The following PLD5 variants were observed in gnomAD, a reference collection of about 807,000 sequenced individuals.
PLD5 encodes the protein inactive phospholipase D5.
In PLD5, 36 loss-of-function variants were observed where a neutral mutation model predicts 61.1. The observed-to-expected ratio is 0.59, with a 90% CI of 0.45 to 0.78. The LOEUF (loss-of-function observed/expected upper bound fraction) is 0.78. Among genes scored for constraint, PLD5 ranks in the 30% least tolerant of loss-of-function variants. The pLI is 0.00. For synonymous variants in PLD5, 243 were observed against 242.8 expected (o/e 1.00, Z -0.01); for missense variants, 515 against 644.4 (o/e 0.80, Z 2.17).
At chr1:242,366,511 C>T (rs1261342535) in intron 1 of PLD5, among the ~76,000 whole-genome samples, 1 of 152,112 alleles carries the variant, frequency 6.6e-6, no homozygotes, top group African/African-American at 2.4e-5. Flanking sequence ...ATGATTCATT[C>T]CTTTTCAAGG....
At chr1:242,449,432 T>A in intron 1 of PLD5, 1 of 1,535,740 alleles carries the variant, frequency 6.5e-7, no homozygotes, top group South Asian at 1.2e-5. Flanking sequence ...TCCCACAGCC[T>A]CTGGAGCCTT....
chr1:242,507,251 G>A (rs542419834), intron 1 of PLD5, among the ~76,000 whole-genome samples: 171 of 152,274 alleles, frequency 1.1e-3, no homozygotes, highest in African/African-American at 3.8e-3. Context: ...GGGATTTAAT[G>A]TATTTGGTCT....
upstream of PLD5, among the ~76,000 whole-genome samples, chr1:242,525,048 C>A (rs1283835167): frequency 1.3e-5 from 2 of 151,978 alleles, no homozygotes; most frequent in African/African-American, 4.8e-5. Context: ...CCAGCGGCGC[C>A]CCCTCACCCT....
chr1:242,255,849 TAC>T (rs1490782106), intron 4 of PLD5, among the ~76,000 whole-genome samples: 1 of 152,184 alleles, frequency 6.6e-6, no homozygotes, highest in African/African-American at 2.4e-5. Flanking sequence ...GATTTAAAAA[TAC>T]AGTGTTATTA....
At chr1:242,423,895 T>G (rs1457127919) in intron 1 of PLD5, among the ~76,000 whole-genome samples, 2 of 152,208 alleles carry the variant, frequency 1.3e-5, no homozygotes, top group Non-Finnish European at 2.9e-5. Context: ...GGGCAATGGT[T>G]TATTTTCATA....
Position 242,372,199 on chromosome 1 carries a change from G to GT in PLD5, c.190-23958dup, listed in dbSNP as rs962311826. Among the ~76,000 whole-genome samples the GT allele has an allele frequency of 6.6e-5, 10 of 152,152 alleles. No individual in the cohort carries two copies. In the East Asian group the frequency reaches 1.2e-3, roughly 18 times the overall value. On this transcript the variant is annotated intron_variant, in intron 1 of 9. Transcript: ENST00000536534. Reference sequence around the variant, plus strand: ...TCATTATTATTTTTTAAATTTATCTGTTTTTTCAAAGACTCAGGTAAAAGC... The same window carrying GT: ...TCATTATTATTTTTTAAATTTATCTGTTTTTTTCAAAGACTCAGGTAAAAGC...
intron 1 of PLD5, among the ~76,000 whole-genome samples, chr1:242,352,982 C>T (rs1015989608): frequency 6.6e-6 from 1 of 152,108 alleles, no homozygotes; most frequent in African/African-American, 2.4e-5. Context: ...CTCCTAATCC[C>T]TAGGTTGTGT....
In PLD5 at chr1:242,506,141, C is replaced by A. The variant is rs187687555; in HGVS notation, c.189+17947G>T. The stretch of plus-strand genomic sequence containing the variant: ...TAGAGAATTTTAACACTGGGGGAAC[C>A]TCGAGAGGTTCAACGCTTCCTTTGG... On this transcript the variant is annotated intron_variant, in intron 1 of 9. Transcript: ENST00000536534. Among the ~76,000 whole-genome samples, 49 of 152,256 alleles carry A rather than the reference C, an allele frequency of 3.2e-4. No homozygotes were observed. In the East Asian group the frequency reaches 6.4e-3, roughly 20 times the overall value.
chr1:242,168,379 C>A (rs1666476861), intron 5 of PLD5, among the ~76,000 whole-genome samples: 1 of 152,264 alleles, frequency 6.6e-6, no homozygotes, highest in East Asian at 1.9e-4. Flanking sequence ...GCAGCCTAGG[C>A]AGTGGTGAGA....
rs71176760 is a variant in PLD5 at position 242,419,594 on chromosome 1, T to TTTC, written c.190-71353_190-71352insGAA. 2.7e-5 allele frequency among the ~76,000 whole-genome samples: 4 copies of TTTC among 148,932 alleles called. No homozygotes were observed. In the South Asian group the frequency reaches 8.5e-4, roughly 32 times the overall value. ...TGCATTTTTTTTTTTTTTTTTTTTT[T>TTTC]AGTAGAAACAGGGTTTCACTATGTT... On this transcript the variant is annotated intron_variant, in intron 1 of 9. Transcript: ENST00000536534.
At chr1:242,379,014 T>C (rs1662132385) in intron 1 of PLD5, among the ~76,000 whole-genome samples, 1 of 152,090 alleles carries the variant, frequency 6.6e-6, no homozygotes, top group African/African-American at 2.4e-5. Context: ...TCATTCCTAG[T>C]CTTTCACACT....
At chr1:242,361,989 T>A (rs193071879) in intron 1 of PLD5, among the ~76,000 whole-genome samples, 3 of 150,240 alleles carry the variant, frequency 2.0e-5, no homozygotes, top group Non-Finnish European at 3.0e-5. Flanking sequence ...TTTTTTGGTA[T>A]AAAAAAATTT....
intron 4 of PLD5, among the ~76,000 whole-genome samples, chr1:242,255,345 G>A (rs1212030227): frequency 6.6e-6 from 1 of 152,162 alleles, no homozygotes; most frequent in Non-Finnish European, 1.5e-5. Flanking sequence ...GTTAGATTTT[G>A]GAATAATTAT....
At chr1:242,308,521 AAATT>A (rs1451590629) in intron 2 of PLD5, among the ~76,000 whole-genome samples, 5 of 152,226 alleles carry the variant, frequency 3.3e-5, no homozygotes, top group Non-Finnish European at 7.3e-5. Context: ...AAACATATTA[AAATT>A]ATTACAAATC....
chr1:242,105,192 G>A (rs572869463), intron 8 of PLD5, among the ~76,000 whole-genome samples: 4 of 151,414 alleles, frequency 2.6e-5, no homozygotes, highest in African/African-American at 7.3e-5. Flanking sequence ...TATAGGGACT[G>A]GGGAAATGAA....
chr1:242,126,601 A>T (rs951119423), intron 5 of PLD5, among the ~76,000 whole-genome samples: 5 of 152,214 alleles, frequency 3.3e-5, no homozygotes, highest in African/African-American at 9.6e-5. Context: ...GATAATTGGC[A>T]AGACACTGTA....
At chr1:242,127,270 A>G (rs374206387) in intron 5 of PLD5, among the ~76,000 whole-genome samples, 124 of 152,350 alleles carry the variant, frequency 8.1e-4, no homozygotes, top group African/African-American at 2.8e-3. Context: ...TTAAAAGTAG[A>G]ACTACCATTG....
chr1:242,362,180 C>T (rs1207513629), intron 1 of PLD5, among the ~76,000 whole-genome samples: 2 of 151,886 alleles, frequency 1.3e-5, no homozygotes, highest in African/African-American at 4.8e-5. Context: ...TTTATGTGTA[C>T]AGTTCTTAAA....
At chr1:242,173,130 G>C (rs1244936505) in intron 5 of PLD5, among the ~76,000 whole-genome samples, 3 of 152,148 alleles carry the variant, frequency 2.0e-5, no homozygotes, top group African/African-American at 4.8e-5. Flanking sequence ...GTTTGCAGAT[G>C]ACATGATTGT....
Sources: allele counts gnomAD v4.1 joint callset (sites outside exome capture counted in the v4.1 genomes callset), GRCh38; gene constraint gnomAD v4.1.1; transcripts MANE v1.5; gene names NCBI Gene and HGNC (gene_info 2026-07-23, HGNC 2026-07-21).